Variants in SAMD8 observed in about 807,000 individuals in gnomAD.
SAMD8 encodes the protein sterile alpha motif domain containing 8.
In SAMD8, 20 loss-of-function variants were observed where a neutral mutation model predicts 42.0. The observed-to-expected ratio is 0.48, with a 90% CI of 0.34 to 0.69. The LOEUF (loss-of-function observed/expected upper bound fraction) is 0.69, where lower values mean the gene tolerates loss of function less well. Among genes scored for constraint, SAMD8 ranks in the 30% least tolerant of loss-of-function variants. SAMD8 has a pLI of 0.01. For synonymous variants in SAMD8, 162 were observed against 173.0 expected (o/e 0.94, Z 0.50); for missense variants, 328 against 511.6 (o/e 0.64, Z 3.46).
chr10:75,102,530 G>A lies in SAMD8; in HGVS notation c.-16+2802G>A, dbSNP rs573316385. ...AACCATTTTAAAAGGTCCCTTGGCC[G>A]GATGCAGTGGCTAATGCCTATAATC... On this transcript the variant is annotated intron_variant, in intron 1 of 3. Coordinates refer to the SAMD8 transcript ENST00000447533. 5.9e-5 allele frequency among the ~76,000 whole-genome samples: 9 copies of A among 152,360 alleles called. No homozygotes were observed. In the East Asian group the frequency reaches 9.6e-4, roughly 16 times the overall value.
chr10:75,164,785 G>C, intron 3 of SAMD8, 45 bp downstream of exon 3: 1 of 1,316,656 alleles, frequency 7.6e-7, no homozygotes, highest in South Asian at 1.2e-5. Flanking sequence ...TTTGACTCCT[G>C]TATCAAGATC....
intron 1 of SAMD8, among the ~76,000 whole-genome samples, chr10:75,139,011 A>T (rs1022869427): frequency 6.8e-6 from 1 of 146,884 alleles, no homozygotes; most frequent in African/African-American, 2.5e-5. Flanking sequence ...CCCAGGCTAG[A>T]GGGCAATGGT....
At position 75,130,074 on chromosome 10, in the gene SAMD8, T is replaced by C. The variant is rs561521860; in HGVS notation, c.-16+18352T>C. Among the ~76,000 whole-genome samples, 3 of 152,264 alleles carry C rather than the reference T, an allele frequency of 2.0e-5. No individual in the cohort carries two copies. The South Asian group carries it at 6.2e-4, about 32-fold the overall frequency. ...GGTGTGGTAATGTGTATTGTACTTA[T>C]TTAGGAAGTTGTCATTATTATTAGA... On this transcript the variant is annotated intron_variant, in intron 1 of 5. Coordinates refer to ENST00000542569, the MANE Select transcript of SAMD8 (RefSeq NM_001174156.2).
At chr10:75,171,160 CTTT>C (rs1003923090) in intron 4 of SAMD8, among the ~76,000 whole-genome samples, 3 of 68,512 alleles carry the variant, frequency 4.4e-5, no homozygotes, top group African/African-American at 5.8e-5. Context: ...CTTTCTTTTT[CTTT>C]TTTTTTTTTT....
intron 1 of SAMD8, chr10:75,104,030 A>G: frequency 7.3e-7 from 1 of 1,363,156 alleles, no homozygotes; most frequent in Non-Finnish European, 9.8e-7. Context: ...AGCCTCCAGC[A>G]GCACCAGCAG....
chr10:75,135,490 G>A (rs1030069082), intron 1 of SAMD8, among the ~76,000 whole-genome samples: 6 of 150,560 alleles, frequency 4.0e-5, no homozygotes, highest in Admixed American at 2.7e-4. Flanking sequence ...CCCCATAAAT[G>A]TGTACAATTA....
At chr10:75,105,802 A>G in intron 1 of SAMD8, 1 of 1,551,034 alleles carries the variant, frequency 6.4e-7, no homozygotes, top group Non-Finnish European at 8.7e-7. Flanking sequence ...CTGGTGCAGC[A>G]TGAGGTAGGC....
chr10:75,175,927 A>T (rs1302717543), intron 4 of SAMD8, 139 bp from the exon 5 acceptor site: 1 of 1,476,094 alleles, frequency 6.8e-7, no homozygotes, highest in South Asian at 1.4e-5. Flanking sequence ...GCTGGAATTC[A>T]TTAGACTGAA....
intron 1 of SAMD8, among the ~76,000 whole-genome samples, chr10:75,115,944 A>T (rs1319010061): frequency 7.3e-5 from 11 of 151,024 alleles, no homozygotes; most frequent in Non-Finnish European, 1.5e-4. Context: ...CCGTCTCAAA[A>T]AAAAAAAAAA....
At position 75,178,541 on chromosome 10, in the gene SAMD8, G is replaced by C. The variant is rs371686467; in HGVS notation, c.*1849G>C. 3 of 152,158 alleles carry C rather than the reference G, an allele frequency of 2.0e-5. No individual in the cohort carries two copies. The highest frequency in any genetic ancestry group is 2.9e-5 in the Non-Finnish European group (2 of 68,036). The allele number at this position is 152,158 out of a possible 1,614,324, so 9.4% of individuals were successfully genotyped here. The stretch of plus-strand genomic sequence containing the variant: ...GCAGTGATGTTGGCTTTTGGGAAAG[G>C]GTTCAAAAAACTGTATGGCAACATT... On this transcript the variant is annotated 3_prime_UTR_variant, in exon 6 of 6. Transcript: ENST00000542569.
intron 1 of SAMD8, among the ~76,000 whole-genome samples, chr10:75,128,269 C>T (rs1477335362): frequency 6.6e-6 from 1 of 152,056 alleles, no homozygotes; most frequent in African/African-American, 2.4e-5. Flanking sequence ...GACAGCATTT[C>T]ACCATGTTGG....
At chr10:75,169,632 G>T (rs1460987899) in intron 4 of SAMD8, among the ~76,000 whole-genome samples, 1 of 151,526 alleles carries the variant, frequency 6.6e-6, no homozygotes, top group Non-Finnish European at 1.5e-5. Flanking sequence ...AAATGTTGCC[G>T]GCCAGGTGCA....
chr10:75,114,636 A>G (rs1276281107), intron 1 of SAMD8, among the ~76,000 whole-genome samples: 1 of 152,178 alleles, frequency 6.6e-6, no homozygotes, highest in Non-Finnish European at 1.5e-5. Context: ...CATGAATAGT[A>G]TTATTATTGT....
At chr10:75,113,705 A>T (rs1848820198) in intron 1 of SAMD8, among the ~76,000 whole-genome samples, 2 of 152,244 alleles carry the variant, frequency 1.3e-5, no homozygotes, top group African/African-American at 4.8e-5. Context: ...ATTCTTAGCT[A>T]AAAATGCTGA....
intron 1 of SAMD8, among the ~76,000 whole-genome samples, chr10:75,104,820 C>T (rs368521767): frequency 6.6e-6 from 1 of 151,950 alleles, no homozygotes; most frequent in African/African-American, 2.4e-5. Context: ...GGGAAGGGGT[C>T]GATGCTGCTG....
intron 2 of SAMD8, among the ~76,000 whole-genome samples, chr10:75,161,687 A>C (rs1840560699): frequency 6.6e-6 from 1 of 152,092 alleles, no homozygotes; most frequent in Admixed American, 6.6e-5. Flanking sequence ...AAATTCAGAG[A>C]AAAAGAGCTT....
intron 1 of SAMD8, among the ~76,000 whole-genome samples, chr10:75,115,580 A>G (rs949645703): frequency 6.6e-6 from 1 of 152,172 alleles, no homozygotes; most frequent in African/African-American, 2.4e-5. Flanking sequence ...CCTAACCTTT[A>G]GCTGAGTTCA....
At chr10:75,146,833 A>G (rs1024302153) in intron 1 of SAMD8, among the ~76,000 whole-genome samples, 1 of 152,236 alleles carries the variant, frequency 6.6e-6, no homozygotes, top group African/African-American at 2.4e-5. Context: ...CATAAATATT[A>G]AATTGGCCCT....
At chr10:75,152,627 AG>A (rs1269528748) in intron 2 of SAMD8, among the ~76,000 whole-genome samples, 1 of 151,820 alleles carries the variant, frequency 6.6e-6, no homozygotes, top group Non-Finnish European at 1.5e-5. Flanking sequence ...CCCAGGTGGG[AG>A]GATTGCTTGA....
Sources: allele counts gnomAD v4.1 joint callset (sites outside exome capture counted in the v4.1 genomes callset), GRCh38; gene constraint gnomAD v4.1.1; transcripts MANE v1.5; gene names NCBI Gene and HGNC (gene_info 2026-07-23, HGNC 2026-07-21).